The following SPRED2 variants were observed in gnomAD, a reference collection of about 807,000 sequenced individuals.
SPRED2 encodes the protein sprouty related EVH1 domain containing 2, also known as sprouty-related, EVH1 domain-containing protein 2.
In SPRED2, 47 loss-of-function variants were observed where a neutral mutation model predicts 43.0. That is an observed-to-expected ratio of 1.09 (90% CI 0.87 to 1.40). The LOEUF (loss-of-function observed/expected upper bound fraction) is 1.40, where lower values mean the gene tolerates loss of function less well. Ranked by LOEUF, SPRED2 falls within the 40% of genes most tolerant of loss-of-function variation. The pLI, the probability that SPRED2 is intolerant of heterozygous loss-of-function variation, is 0.00. For missense variants in SPRED2, 561 were observed against 586.4 expected (o/e 0.96, Z 0.45); for synonymous variants, 225 against 225.7 (o/e 1.00, Z 0.03).
chr2:65,322,161 G>T (rs747619467), intron 4 of SPRED2, among the ~76,000 whole-genome samples: 1 of 145,544 alleles, frequency 6.9e-6, no homozygotes. Context: ...GTTTTGCTTA[G>T]CTCCCTTATG....
intron 1 of SPRED2, among the ~76,000 whole-genome samples, chr2:65,368,334 C>T (rs898720657): frequency 1.1e-4 from 17 of 152,218 alleles, no homozygotes; most frequent in Admixed American, 6.5e-5. Context: ...TGAAGACTTC[C>T]TTGGCTTTGA....
chr2:65,387,466 C>T (rs554223778), intron 1 of SPRED2, among the ~76,000 whole-genome samples: 1 of 152,296 alleles, frequency 6.6e-6, no homozygotes, highest in South Asian at 2.1e-4. Context: ...CAGAGAGCAA[C>T]AGCTAAATAT....
rs1175170659 is a variant in SPRED2 at position 65,432,279 on chromosome 2, G to A, written c.-292C>T. Reference sequence around the variant, plus strand: ...GGCAGAGGGGGCGAGATTTGGGAAGGGGACGGCGGTGGGGGAGAGCAGGAG... The same window carrying A: ...GGCAGAGGGGGCGAGATTTGGGAAGAGGACGGCGGTGGGGGAGAGCAGGAG... On this transcript the variant is annotated 5_prime_UTR_variant, in exon 1 of 6. Coordinates refer to ENST00000356388, the MANE Select transcript of SPRED2 (RefSeq NM_181784.3). 4 of 454,976 alleles carry A rather than the reference G, an allele frequency of 8.8e-6. No homozygotes were observed. In the Admixed American group the frequency reaches 1.1e-4, roughly 12 times the overall value. The allele number at this position is 454,976 out of a possible 1,614,324, so 28.2% of individuals were successfully genotyped here. A position where few individuals can be genotyped will look rare whatever the true frequency, so the allele number is the denominator to read the frequency against.
intron 1 of SPRED2, among the ~76,000 whole-genome samples, chr2:65,431,710 C>G (rs1473069200): frequency 6.6e-6 from 1 of 152,126 alleles, no homozygotes; most frequent in Non-Finnish European, 1.5e-5. Flanking sequence ...CGGGAGGTCA[C>G]CCGCACGCCC....
chr2:65,420,251 T>G (rs1232527355), intron 1 of SPRED2, among the ~76,000 whole-genome samples: 1 of 144,562 alleles, frequency 6.9e-6, no homozygotes, highest in Non-Finnish European at 1.5e-5. Flanking sequence ...TATGACAACC[T>G]AATGAAGATA....
intron 1 of SPRED2, among the ~76,000 whole-genome samples, chr2:65,428,804 G>A (rs1198593062): frequency 1.3e-5 from 2 of 152,212 alleles, no homozygotes; most frequent in Non-Finnish European, 2.9e-5. Context: ...TATCTTGTCT[G>A]CAAATTTCCA....
chr2:65,420,865 T>C (rs1676406437), intron 1 of SPRED2, among the ~76,000 whole-genome samples: 1 of 152,226 alleles, frequency 6.6e-6, no homozygotes, highest in South Asian at 2.1e-4. Flanking sequence ...AGCAGTCACA[T>C]TCCAAGAGAT....
chr2:65,404,893 C>T (rs1675988347), intron 1 of SPRED2, among the ~76,000 whole-genome samples: 1 of 152,196 alleles, frequency 6.6e-6, no homozygotes, highest in South Asian at 2.1e-4. Flanking sequence ...ACCCCTGGGC[C>T]CTTTTATGAT....
At chr2:65,308,626 T>A, downstream of SPRED2, 1 of 915,584 alleles carries the variant, frequency 1.1e-6, no homozygotes, top group Non-Finnish European at 1.3e-6. Context: ...GGGCACCTGC[T>A]GCGTATCCCA....
chr2:65,358,878 G>C (rs2104306988), intron 1 of SPRED2, among the ~76,000 whole-genome samples: 1 of 152,288 alleles, frequency 6.6e-6, no homozygotes, highest in South Asian at 2.1e-4. Flanking sequence ...GTTCCTCTCA[G>C]CTCTTGCTGG....
At chr2:65,316,940 C>G (rs1673258931) in intron 4 of SPRED2, 57 bp from the exon 5 acceptor site, 3 of 1,568,606 alleles carry the variant, frequency 1.9e-6, no homozygotes, top group Non-Finnish European at 2.6e-6. Context: ...AAACCCCACG[C>G]AGCAAACCCT....
In SPRED2 at chr2:65,316,723, C is replaced by G; in HGVS notation, c.588+11G>C. 6.2e-7 allele frequency: 1 copy of G among 1,604,270 alleles called. No homozygotes were observed. The highest frequency in any genetic ancestry group is 1.1e-5 in the South Asian group (1 of 89,052). On this transcript the variant is annotated intron_variant, in intron 5 of 5. Coordinates refer to ENST00000356388, the MANE Select transcript of SPRED2 (RefSeq NM_181784.3). ...CCCTGATGCCCTCAGAGGAACAGGG[C>G]TGCTGCTCACCTGATCGAGGTGATA...
intron 1 of SPRED2, among the ~76,000 whole-genome samples, chr2:65,426,444 C>T (rs1040428082): frequency 6.6e-6 from 1 of 152,098 alleles, no homozygotes; most frequent in African/African-American, 2.4e-5. Flanking sequence ...GGTGTTGGGC[C>T]AACAACTAGA....
chr2:65,404,396 G>A (rs1002374729), intron 1 of SPRED2, among the ~76,000 whole-genome samples: 7 of 152,066 alleles, frequency 4.6e-5, no homozygotes, highest in Admixed American at 3.9e-4. Context: ...AGATATAAGC[G>A]CAAGTATATA....
At chr2:65,409,866 C>A (rs1287522508) in intron 1 of SPRED2, among the ~76,000 whole-genome samples, 1 of 151,164 alleles carries the variant, frequency 6.6e-6, no homozygotes, top group South Asian at 2.1e-4. Context: ...AAACCCTCTA[C>A]TAAAAATACA....
At chr2:65,387,425 G>A (rs1239312852) in intron 1 of SPRED2, among the ~76,000 whole-genome samples, 9 of 152,156 alleles carry the variant, frequency 5.9e-5, no homozygotes, top group Admixed American at 5.2e-4. Flanking sequence ...AGAAAACAAT[G>A]GTAAGCACAC....
rs1436781883 is a variant in SPRED2, at chr2:65,313,854, C to T, written c.904G>A (p.Glu302Lys). ...PSRGKSRRRK[E>K]DGERSRCVYC... ...ACGCACCGCGAGCGCTCTCCGTCCTCCTTCCGCCGCCGCGACTTGCCCCGG... is the reference window on the plus strand; with the variant it reads ...ACGCACCGCGAGCGCTCTCCGTCCTTCTTCCGCCGCCGCGACTTGCCCCGG... Residue 302 changes from glutamate to lysine, a missense_variant, in exon 6 of 6, where the codon GAG (glutamate) becomes AAG (lysine). Around this residue, in one of 6 missense-constraint regions of SPRED2, gnomAD observed 164 missense variants for 164.1 expected, o/e 1.00. Transcript: ENST00000356388. 1 of 1,611,114 alleles carries T rather than the reference C, an allele frequency of 6.2e-7. No individual in the cohort carries two copies. The highest frequency in any genetic ancestry group is 2.2e-5 in the East Asian group (1 of 44,884).
intron 2 of SPRED2, among the ~76,000 whole-genome samples, chr2:65,338,329 G>A (rs887865926): frequency 3.6e-5 from 5 of 137,470 alleles, no homozygotes; most frequent in South Asian, 5.1e-4. Context: ...TCCTTTCCAC[G>A]GTCTCCCTCT....
At chr2:65,422,467 G>A (rs1369145339) in intron 1 of SPRED2, among the ~76,000 whole-genome samples, 1 of 152,132 alleles carries the variant, frequency 6.6e-6, no homozygotes, top group African/African-American at 2.4e-5. Flanking sequence ...CCACAGCTCT[G>A]GTATTGTATG....
Sources: gnomAD v4.1 joint callset for allele counts (sites outside exome capture counted in the v4.1 genomes callset) on GRCh38, gnomAD v4.1.1 for gene constraint, gnomAD v4.1.1 regional missense constraint, MANE v1.5 for transcripts, NCBI Gene and HGNC (gene_info 2026-07-23, HGNC 2026-07-21) for gene names.